MSN: variants seen among roughly 807,000 people sequenced by gnomAD.
MSN encodes epididymis luminal protein 70.
In MSN, 2 loss-of-function variants were observed where a neutral mutation model predicts 48.0. The observed-to-expected ratio is 0.04, with a 90% CI of 0.02 to 0.13. The LOEUF (loss-of-function observed/expected upper bound fraction) is 0.13. Ranked by LOEUF, MSN falls within the 10% of genes least tolerant of loss-of-function variation. MSN has a pLI of 1.00. For missense variants in MSN, 267 were observed against 470.1 expected (o/e 0.57, Z 3.99); for synonymous variants, 146 against 166.9 (o/e 0.87, Z 0.97).
intron 1 of MSN, among the ~76,000 whole-genome samples, chrX:65,615,809 A>G (rs374827578): frequency 1.8e-5 from 2 of 111,386 alleles, no homozygotes; most frequent in African/African-American, 6.5e-5. Flanking sequence ...GTAATGCCTA[A>G]GTTTTCTTCT....
rs1052059259 is a variant in MSN, at chrX:65,731,895, G to A, written c.609G>A (p.Val203=). The A allele has an allele frequency of 3.2e-5, 39 of 1,208,231 alleles. No homozygotes were observed. Among genetic ancestry groups the A allele is most frequent in the Non-Finnish European group, 4.2e-5 (38 of 894,773 alleles). ...KIAQDLEMYG[V]NYFSIKNKKG... ...CTCAAGATCTGGAGATGTATGGTGT[G>A]AACTACTTCAGCATCAAGAACAAGA... Residue 203 remains valine, a synonymous_variant, in exon 6 of 13, where the codon GTG becomes GTA. Coordinates refer to ENST00000360270, the MANE Select transcript of MSN (RefSeq NM_002444.3).
At chrX:65,641,608 A>G (rs1210533513) in intron 1 of MSN, among the ~76,000 whole-genome samples, 1 of 78,502 alleles carries the variant, frequency 1.3e-5, no homozygotes, top group Non-Finnish European at 2.4e-5. Flanking sequence ...ATATTTTAGC[A>G]TATTGACAGA....
intron 2 of MSN, among the ~76,000 whole-genome samples, chrX:65,718,201 A>C (rs2071484641): frequency 9.0e-6 from 1 of 111,039 alleles, no homozygotes; most frequent in Admixed American, 9.6e-5. Flanking sequence ...ATGAGGACAC[A>C]AAATCCTCAT....
chrX:65,668,567 C>T (rs1229959454), intron 1 of MSN, among the ~76,000 whole-genome samples: 1 of 111,555 alleles, frequency 9.0e-6, no homozygotes, highest in Non-Finnish European at 1.9e-5. Context: ...CTCCTATCCC[C>T]TCCGGACTAT....
At position 65,731,856 on chromosome X, in the gene MSN, A is replaced by G. The variant is rs762593582; in HGVS notation, c.570A>G (p.Glu190=). The change falls in exon 6 of 13, where the codon GAA becomes GAG. Residue 190 remains glutamate (E), a synonymous_variant. Coordinates refer to ENST00000360270, the MANE Select transcript of MSN (RefSeq NM_002444.3). ...RGMLREDAVL[E]YLKIAQDLEM... ...CATTTAGGGAGGATGCTGTCCTGGA[A>G]TATCTGAAGATTGCTCAAGATCTGG... 8.3e-7 allele frequency: 1 copy of G among 1,209,655 alleles called. No individual in the cohort carries two copies. Among genetic ancestry groups the G allele is most frequent in the Non-Finnish European group, 1.1e-6 (1 of 894,747 alleles).
At chrX:65,651,995 A>G (rs1488820342) in intron 1 of MSN, among the ~76,000 whole-genome samples, 2 of 108,214 alleles carry the variant, frequency 1.8e-5, no homozygotes, top group Non-Finnish European at 3.8e-5. Context: ...TCACGCCTGT[A>G]ATCCCAGCAC....
intron 1 of MSN, among the ~76,000 whole-genome samples, chrX:65,613,795 CA>C (rs1488458933): frequency 8.9e-6 from 1 of 111,945 alleles, no homozygotes; most frequent in Non-Finnish European, 1.9e-5. Context: ...GGATAGATTG[CA>C]AAAATTTTCT....
intron 1 of MSN, among the ~76,000 whole-genome samples, chrX:65,685,403 C>A (rs1033999954): frequency 9.0e-6 from 1 of 111,569 alleles, no homozygotes; most frequent in African/African-American, 3.3e-5. Context: ...CCTCAGAAGA[C>A]CTCTGGCTGT....
upstream of MSN, chrX:65,667,642 C>A (rs752874898): frequency 9.8e-7 from 1 of 1,019,345 alleles, no homozygotes. Flanking sequence ...GAGCGGGCGG[C>A]GCGACAGGGG....
intron 1 of MSN, among the ~76,000 whole-genome samples, chrX:65,660,064 A>T: frequency 9.0e-6 from 1 of 111,411 alleles, no homozygotes; most frequent in Non-Finnish European, 1.9e-5. Context: ...GTCTTAAAGA[A>T]CAAGATAGCA....
chrX:65,605,432 C>T (rs983959213), intron 1 of MSN, among the ~76,000 whole-genome samples: 1 of 112,534 alleles, frequency 8.9e-6, no homozygotes, highest in East Asian at 2.8e-4. Flanking sequence ...AAGTCCCTAT[C>T]ATCTGTCAAC....
At chrX:65,639,119 G>A (rs1356404666) in intron 1 of MSN, among the ~76,000 whole-genome samples, 1 of 111,921 alleles carries the variant, frequency 8.9e-6, no homozygotes, top group Middle Eastern at 4.2e-3. Context: ...AATCAATAGA[G>A]GTCCAGAAAA....
intron 1 of MSN, among the ~76,000 whole-genome samples, chrX:65,637,506 T>G (rs1569456857): frequency 9.0e-6 from 1 of 110,791 alleles, no homozygotes; most frequent in Non-Finnish European, 1.9e-5. Context: ...CTCTCTGACT[T>G]AATCTCCTAC....
chrX:65,684,156 G>A (rs2071087627), intron 1 of MSN, among the ~76,000 whole-genome samples: 1 of 110,737 alleles, frequency 9.0e-6, no homozygotes, highest in Admixed American at 9.6e-5. Context: ...TGGCCAGCCT[G>A]GTCTTGAACT....
intron 7 of MSN, among the ~76,000 whole-genome samples, chrX:65,734,664 T>G (rs1446216481): frequency 8.9e-6 from 1 of 112,120 alleles, no homozygotes; most frequent in African/African-American, 3.2e-5. Context: ...TCAGAAAAAG[T>G]TAAGTAACAA....
In MSN at chrX:65,647,844, G is replaced by T. The variant is rs1274965193; in HGVS notation, c.-22+59232G>T. 2.7e-5 allele frequency among the ~76,000 whole-genome samples: 3 copies of T among 112,079 alleles called. No individual in the cohort carries two copies. The South Asian group carries it at 1.1e-3, about 41-fold the overall frequency. On this transcript the variant is annotated intron_variant, in intron 1 of 3. Coordinates refer to the MSN transcript ENST00000609672. ...AATGCCTTTTAAAGGCCATGACAAC[G>T]ATTCTTTTCATCATAAAAGCACAGG... is the stretch of plus-strand genomic sequence containing the variant.
chrX:65,664,619 C>T (rs749323470), upstream of MSN, among the ~76,000 whole-genome samples: 1 of 109,434 alleles, frequency 9.1e-6, no homozygotes, highest in Non-Finnish European at 1.9e-5. Context: ...AGTTTATGCT[C>T]TCTCTCTATT....
chrX:65,695,881 T>C (rs1330881822), intron 1 of MSN, among the ~76,000 whole-genome samples: 1 of 109,921 alleles, frequency 9.1e-6, no homozygotes, highest in Admixed American at 9.5e-5. Flanking sequence ...CTTCATGCCT[T>C]TGAGAGAAAG....
At chrX:65,645,727 T>C (rs749434924) in intron 1 of MSN, among the ~76,000 whole-genome samples, 9 of 111,081 alleles carry the variant, frequency 8.1e-5, no homozygotes, top group Non-Finnish European at 1.3e-4. Context: ...GGAGGAAACA[T>C]TGAGATAAAA....
Sources: gnomAD v4.1 joint callset for allele counts (sites outside exome capture counted in the v4.1 genomes callset) on GRCh38, gnomAD v4.1.1 for gene constraint, MANE v1.5 for transcripts, NCBI Gene and HGNC (gene_info 2026-07-23, HGNC 2026-07-21) for gene names.